TARS1: variants seen among roughly 807,000 people sequenced by gnomAD.
The protein encoded by TARS1 is threonyl-tRNA synthetase 1.
TARS1 carries 57 observed loss-of-function variants against 97.7 expected under a neutral mutation model. The observed-to-expected ratio is 0.58, with a 90% CI of 0.47 to 0.73. The LOEUF is 0.73. Among genes scored for constraint, TARS1 ranks in the 30% least tolerant of loss-of-function variants. The pLI is 0.00. For missense variants in TARS1, 806 were observed against 888.3 expected (o/e 0.91, Z 1.18); for synonymous variants, 312 against 293.7 (o/e 1.06, Z -0.64).
In TARS1 at chr5:33,456,208, A is replaced by C; in HGVS notation, c.818A>C (p.Lys273Thr). ...CATGTTAGACACACGGGCAAAATTAAGGCTTTAAAAATACACAAAGTAAGT... is the reference window on the plus strand; with the variant it reads ...CATGTTAGACACACGGGCAAAATTACGGCTTTAAAAATACACAAAGTAAGT... ...GPHVRHTGKI[K>T]ALKIHKNSST... The change falls in exon 8 of 19, where the codon AAG (lysine) becomes ACG (threonine). Residue 273 changes from lysine to threonine, a missense_variant. By Grantham distance (78) the Lys-to-Thr change is moderately conservative. Transcript: ENST00000265112. 1 of 1,613,746 alleles carries C rather than the reference A, an allele frequency of 6.2e-7. No homozygotes were observed. The highest frequency in any genetic ancestry group is 8.5e-7 in the Non-Finnish European group (1 of 1,179,702).
Position 33,448,630 on chromosome 5 carries a change from A to G in TARS1, c.228A>G (p.Ala76=), listed in dbSNP as rs1364568832. Residue 76 remains alanine (A), a synonymous_variant, in exon 3 of 19, where the codon GCA becomes GCG. Transcript: ENST00000265112. ...ATGATTCCATTCTGGCAGAAAAGGC[A>G]GAAAAAGATAGCAAGCCAATTAAAG... ...AEHDSILAEK[A]EKDSKPIKVT... is the part of the protein sequence containing the mutation. 1.2e-6 allele frequency: 2 copies of G among 1,613,996 alleles called. No individual in the cohort carries two copies. Among genetic ancestry groups the G allele is most frequent in the Non-Finnish European group, 1.7e-6 (2 of 1,179,940 alleles).
At chr5:33,448,752 G>T in intron 3 of TARS1, 21 bp downstream of exon 3, 2 of 1,547,468 alleles carry the variant, frequency 1.3e-6, no homozygotes, top group South Asian at 2.5e-5. Flanking sequence ...CACCCATCAT[G>T]ACCTTCCATA....
intron 1 of TARS1, among the ~76,000 whole-genome samples, chr5:33,442,737 C>T (rs370544099): frequency 6.6e-6 from 1 of 151,182 alleles, no homozygotes. Flanking sequence ...ATCTCCTGAC[C>T]TCGTGATCCG....
At chr5:33,459,329 C>A (rs1451198673) in intron 10 of TARS1, among the ~76,000 whole-genome samples, 1 of 152,178 alleles carries the variant, frequency 6.6e-6, no homozygotes, top group Non-Finnish European at 1.5e-5. Flanking sequence ...ATATAGGAAG[C>A]CTCATTGTGT....
intron 6 of TARS1, 67 bp from the exon 7 acceptor site, chr5:33,455,935 A>G (rs1171354775): frequency 7.3e-7 from 1 of 1,378,678 alleles, no homozygotes; most frequent in African/African-American, 1.4e-5. Context: ...GCTACGTTTT[A>G]GCTATAGTAC....
rs1741970597 is a variant in TARS1 at position 33,455,578 on chromosome 5, C to T, written c.576-9C>T. 6.5e-7 allele frequency: 1 copy of T among 1,543,276 alleles called. No individual in the cohort carries two copies. The highest frequency in any genetic ancestry group is 8.8e-7 in the Non-Finnish European group (1 of 1,131,176). ...TGGAATGAAAAGATTATACTTTCTT[C>T]TCCTTCAGGGGTGTGTCTAGCAATG... On this transcript the variant is annotated splice_polypyrimidine_tract_variant and intron_variant, in intron 5 of 18. Coordinates refer to ENST00000265112, the MANE Select transcript of TARS1 (RefSeq NM_152295.5).
chr5:33,451,009 G>A (rs2111951245), intron 3 of TARS1, among the ~76,000 whole-genome samples: 1 of 152,326 alleles, frequency 6.6e-6, no homozygotes, highest in South Asian at 2.1e-4. Flanking sequence ...CAACTACTTG[G>A]AGGCTGAGGT....
rs778902657 is a variant in TARS1, at chr5:33,459,698, G to A, written c.1087G>A (p.Glu363Lys). The change falls in exon 11 of 19, where the codon GAA becomes AAA. Residue 363 changes from glutamate to lysine, a missense_variant. Around this residue, in one of 3 missense-constraint regions of TARS1, gnomAD observed 446 missense variants for 511.0 expected, o/e 0.87. Transcript: ENST00000265112. ...GTTTCTGTTTATTTTCTATCAGAGC[G>A]AATATAGGAAAAGAGGATTCCAGGA... ...YNALIEFIRS[E>K]YRKRGFQEVV... The A allele has an allele frequency of 5.5e-5, 89 of 1,613,852 alleles. No individual in the cohort carries two copies. The highest frequency in any genetic ancestry group is 8.8e-5 in the South Asian group (8 of 91,074).
At chr5:33,455,972 T>C (rs569594372) in intron 6 of TARS1, 30 bp from the exon 7 acceptor site, 7 of 1,602,414 alleles carry the variant, frequency 4.4e-6, no homozygotes, top group Non-Finnish European at 6.0e-6. Context: ...AAGGACAGTT[T>C]TTTAAAATAA....
At position 33,467,674 on chromosome 5, in the gene TARS1, AGT is replaced by A. The variant is rs755042598; in HGVS notation, c.2139_2140del (p.Glu713AspfsTer42). 1 of 1,613,450 alleles carries A rather than the reference AGT, an allele frequency of 6.2e-7. No individual in the cohort carries two copies. Among genetic ancestry groups the A allele is most frequent in the Non-Finnish European group, 8.5e-7 (1 of 1,179,798 alleles). On this transcript the variant is annotated frameshift_variant, in exon 19 of 19. Coordinates refer to ENST00000265112, the MANE Select transcript of TARS1 (RefSeq NM_152295.5). LOFTEE classifies it high-confidence loss of function. ...ATCGAGCGGCTACAGCAGCTCAAAG[AGT>A]TCCGCAGCAAACAGGCAGAAGAAGA...
intron 1 of TARS1, among the ~76,000 whole-genome samples, chr5:33,443,077 G>A (rs1741196641): frequency 1.3e-5 from 2 of 152,086 alleles, no homozygotes; most frequent in African/African-American, 4.8e-5. Flanking sequence ...TAGATTACTT[G>A]TATGTAGATG....
chr5:33,463,658 A>G, intron 16 of TARS1, 95 bp from the exon 17 acceptor site: 2 of 1,088,806 alleles, frequency 1.8e-6, no homozygotes, highest in Admixed American at 4.3e-5. Context: ...TACATGTTCC[A>G]GGAAAAGATA....
intron 1 of TARS1, among the ~76,000 whole-genome samples, chr5:33,444,130 A>T (rs1051589497): frequency 6.6e-6 from 1 of 152,246 alleles, no homozygotes; most frequent in Non-Finnish European, 1.5e-5. Context: ...TGAAATTATT[A>T]TGCTAACTAA....
chr5:33,463,947 A>G, intron 17 of TARS1, 122 bp downstream of exon 17: 1 of 820,188 alleles, frequency 1.2e-6, no homozygotes. Context: ...TACTATTTTT[A>G]ATCTTTGTTA....
Position 33,466,958 on chromosome 5 carries a change from C to T in TARS1, c.1996C>T (p.Gln666Ter), listed in dbSNP as rs1398556330. 2 of 1,591,686 alleles carry T rather than the reference C, an allele frequency of 1.3e-6. No individual in the cohort carries two copies. Among genetic ancestry groups the T allele is most frequent in the Admixed American group, 1.8e-5 (1 of 56,752 alleles). ...ATTGAATAAAAAGATTCGAAATGCACAGTTAGCACAGTATAACTTCATTTT... is the reference window on the plus strand; with the variant it reads ...ATTGAATAAAAAGATTCGAAATGCATAGTTAGCACAGTATAACTTCATTTT... ...CTLNKKIRNA[Q>*]LAQYNFILVV... The change falls in exon 18 of 19, where the codon CAG (glutamine) becomes TAG (stop). Residue 666 changes from glutamine (Q) to a stop codon, truncating the protein, a stop_gained. Coordinates refer to ENST00000265112, the MANE Select transcript of TARS1 (RefSeq NM_152295.5). LOFTEE classifies it low-confidence loss of function (END_TRUNC).
chr5:33,456,102 T>G, intron 7 of TARS1, 36 bp downstream of exon 7: 1 of 1,612,560 alleles, frequency 6.2e-7, no homozygotes, highest in Non-Finnish European at 8.5e-7. Flanking sequence ...GTATCTGGTA[T>G]GTATGTCATT....
intron 3 of TARS1, among the ~76,000 whole-genome samples, chr5:33,449,340 C>T (rs4267874): frequency 0.037 from 4,044 of 108,296 alleles, 102 homozygotes; most frequent in South Asian, 0.096. Flanking sequence ...CGTATATATA[C>T]ACGTGTATAT....
chr5:33,454,898 C>T (rs760377273), intron 4 of TARS1, 47 bp from the exon 5 acceptor site: 2 of 1,588,362 alleles, frequency 1.3e-6, no homozygotes, highest in South Asian at 1.1e-5. Context: ...TAATTGGCAA[C>T]TTGTATGCCA....
chr5:33,449,498 G>C (rs868083086), intron 3 of TARS1, among the ~76,000 whole-genome samples: 14 of 131,876 alleles, frequency 1.1e-4, no homozygotes, highest in African/African-American at 3.5e-4. Flanking sequence ...TGTTGCCCAG[G>C]AGGCTAGAGT....
Sources: allele counts gnomAD v4.1 joint callset (sites outside exome capture counted in the v4.1 genomes callset), GRCh38; gene constraint gnomAD v4.1.1; regional missense constraint gnomAD v4.1.1; transcripts MANE v1.5; gene names NCBI Gene and HGNC (gene_info 2026-07-23, HGNC 2026-07-21).